The following ZNF384 variants were observed in gnomAD, a reference collection of about 807,000 sequenced individuals.
ZNF384 encodes the protein CAG repeat protein 1.
ZNF384 carries 20 observed loss-of-function variants against 65.0 expected under a neutral mutation model. That is an observed-to-expected ratio of 0.31 (90% CI 0.22 to 0.45). The LOEUF is 0.45. Ranked by LOEUF, ZNF384 falls within the 20% of genes least tolerant of loss-of-function variation. The probability of loss-of-function intolerance (pLI) is 1.00; values close to 1 mark genes in which losing one functional copy is unlikely to be tolerated. For synonymous variants in ZNF384, 310 were observed against 303.9 expected, an observed-to-expected ratio of 1.02 and a Z score of -0.21; for missense variants, 549 against 769.4, an observed-to-expected ratio of 0.71 and a Z score of 3.39.
chr12:6,679,447 C>G lies in ZNF384; in HGVS notation c.66+8G>C. The G allele has an allele frequency of 1.2e-6, 2 of 1,613,620 alleles. No individual in the cohort carries two copies. Among genetic ancestry groups the G allele is most frequent in the Non-Finnish European group, 1.7e-6 (2 of 1,179,522 alleles). ...ACTTGGAGAGAGCAAGAAAGCAACA[C>G]CACTTACCTGACCTGAGACTGTGGG... On this transcript the variant is annotated splice_region_variant and intron_variant, in intron 3 of 11. Transcript: ENST00000683879.
intron 2 of ZNF384, 42 bp downstream of exon 2, chr12:6,688,122 TCTC>T (rs1396288607): frequency 6.6e-6 from 1 of 152,570 alleles, no homozygotes; most frequent in Admixed American, 6.5e-5. Context: ...TGTGACCCCT[TCTC>T]CCCCAAAACC....
rs1431968627 is a variant in ZNF384, at chr12:6,666,655, AAAAG to A, written c.*1055_*1058del. ...GATTTAAAAAAAAAAAAAAAAGACA[AAAAG>A]AAAAATGCTGTGGCTAGAGGACAGG... On this transcript the variant is annotated 3_prime_UTR_variant, in exon 12 of 12. Transcript: ENST00000683879. The A allele has an allele frequency of 5.9e-6, 1 of 168,330 alleles. No homozygotes were observed. The highest frequency in any genetic ancestry group is 1.1e-4 in the East Asian group (1 of 8,776). 10.4% of individuals were successfully genotyped at this position (168,330 alleles called of 1,614,324 possible).
rs1218029425 is a variant in ZNF384 at position 6,666,566 on chromosome 12, ATTACT to A, written c.*1143_*1147del. Reference sequence around the variant, plus strand: ...TTTTTCTTTTTTTCTTCATTTTTAAATTACTTTATAACAACTGGTTTCCTGATTTT... The same window carrying A: ...TTTTTCTTTTTTTCTTCATTTTTAAATTATAACAACTGGTTTCCTGATTTT... On this transcript the variant is annotated 3_prime_UTR_variant, in exon 12 of 12. Transcript: ENST00000683879. The A allele has an allele frequency of 6.1e-6, 1 of 163,144 alleles. No homozygotes were observed. Among genetic ancestry groups the A allele is most frequent in the East Asian group, 1.3e-4 (1 of 7,418 alleles). The allele number at this position is 163,144 out of a possible 1,614,324, so 10.1% of individuals were successfully genotyped here.
rs114993914 is a variant in ZNF384, at chr12:6,684,381, T to C, written c.-6+3786A>G. Reference sequence around the variant, plus strand: ...TATTTTCCAGCTAGTTCTCAAAAAATGTTTTCAAAATTGAAGTTTTTGATA... The same window carrying C: ...TATTTTCCAGCTAGTTCTCAAAAAACGTTTTCAAAATTGAAGTTTTTGATA... On this transcript the variant is annotated intron_variant, in intron 2 of 11. Coordinates refer to ENST00000683879, the MANE Select transcript of ZNF384 (RefSeq NM_001385745.1). Among the ~76,000 whole-genome samples the C allele has an allele frequency of 3.6e-3, 541 of 152,336 alleles. 2 individuals are homozygous for C. The highest frequency in any genetic ancestry group is 0.013 in the African/African-American group (529 of 41,568).
At position 6,678,385 on chromosome 12, in the gene ZNF384, G is replaced by A. The variant is rs544703789; in HGVS notation, c.428C>T (p.Ser143Leu). The stretch of plus-strand genomic sequence containing the variant: ...AAGAGCTGAGACAATCATGGGAGCC[G>A]AAATGGGGAAGGTCTGAGCTGATGA... ...TASSAQTFPISAPMIVSALPP... is the reference protein window; with the variant it reads ...TASSAQTFPILAPMIVSALPP... The change falls in exon 6 of 12, where the codon TCG (serine) becomes TTG (leucine). Residue 143 changes from serine (S) to leucine (L), a missense_variant. Physicochemically the swap from Ser to Leu is moderately radical, Grantham distance 145. This residue lies in a region of ZNF384 where 277 missense variants were observed against 337.2 expected (regional missense o/e 0.82). Transcript: ENST00000683879. The surrounding 1 kb of genome is among the most constrained non-coding windows in gnomAD (Gnocchi z 4.9). 3.7e-6 allele frequency: 6 copies of A among 1,612,590 alleles called. No individual in the cohort carries two copies. Among genetic ancestry groups the A allele is most frequent in the South Asian group, 2.2e-5 (2 of 90,862 alleles).
In ZNF384 at chr12:6,667,265, G is replaced by A; in HGVS notation, c.*449C>T. The A allele has an allele frequency of 3.1e-6, 1 of 327,470 alleles. No individual in the cohort carries two copies. The highest frequency in any genetic ancestry group is 9.3e-4 in the Middle Eastern group (1 of 1,072). The allele number at this position is 327,470 out of a possible 1,614,324, so 20.3% of individuals were successfully genotyped here. A position where few individuals can be genotyped will look rare whatever the true frequency, so the allele number is the denominator to read the frequency against. On this transcript the variant is annotated 3_prime_UTR_variant, in exon 12 of 12. Coordinates refer to ENST00000683879, the MANE Select transcript of ZNF384 (RefSeq NM_001385745.1). ...TTTGAGAAACCTCTGTTCTTTTGCAGGCAAGAATAGAACAAGAGGCTGGTT... is the reference window on the plus strand; with the variant it reads ...TTTGAGAAACCTCTGTTCTTTTGCAAGCAAGAATAGAACAAGAGGCTGGTT...
chr12:6,671,199 C>T (rs780711285), intron 9 of ZNF384, among the ~76,000 whole-genome samples: 4 of 152,190 alleles, frequency 2.6e-5, no homozygotes, highest in Non-Finnish European at 5.9e-5. Flanking sequence ...AAAAGCAGAA[C>T]GCGTCTTCCT....
In ZNF384 at chr12:6,678,037, G is replaced by A. The variant is rs922589141; in HGVS notation, c.686+90C>T. ...AGCTGGGAAGCTGTCAGAGTGTAGC[G>A]CCTGACCGGGGCAGAACACAATGAG... On this transcript the variant is annotated intron_variant, in intron 6 of 11. Coordinates refer to ENST00000683879, the MANE Select transcript of ZNF384 (RefSeq NM_001385745.1). The surrounding 1 kb of genome is among the most constrained non-coding windows in gnomAD (Gnocchi z 4.9). The A allele has an allele frequency of 9.6e-5, 120 of 1,256,520 alleles. No homozygotes were observed. The highest frequency in any genetic ancestry group is 1.1e-4 in the Non-Finnish European group (101 of 893,322). 77.8% of individuals were successfully genotyped at this position (1,256,520 alleles called of 1,614,324 possible). A position where few individuals can be genotyped will look rare whatever the true frequency, so the allele number is the denominator to read the frequency against.
chr12:6,682,735 C>T (rs1016037728), intron 2 of ZNF384, among the ~76,000 whole-genome samples: 1 of 152,180 alleles, frequency 6.6e-6, no homozygotes, highest in African/African-American at 2.4e-5. Flanking sequence ...TAAGAGAATT[C>T]AATCTTGCCA....
rs1203620942 is a variant in ZNF384 at position 6,673,821 on chromosome 12, T to A, written c.780-381A>T. On this transcript the variant is annotated intron_variant, in intron 7 of 11. Coordinates refer to ENST00000683879, the MANE Select transcript of ZNF384 (RefSeq NM_001385745.1). This position sits in a 1 kb window ranked among gnomAD's most constrained non-coding sequence, Gnocchi z 4.7. ...TTCCTTGCTCTGATGTTCCTATGTA[T>A]GAAGCACATGCCTCTGTATTCCTCA... Among the ~76,000 whole-genome samples the A allele has an allele frequency of 6.6e-6, 1 of 152,232 alleles. No homozygotes were observed. The highest frequency in any genetic ancestry group is 1.5e-5 in the Non-Finnish European group (1 of 68,040).
At chr12:6,670,495 G>C (rs769505509) in intron 10 of ZNF384, among the ~76,000 whole-genome samples, 1 of 152,078 alleles carries the variant, frequency 6.6e-6, no homozygotes, top group Non-Finnish European at 1.5e-5. Context: ...TGTTTTTGGA[G>C]GGTCTTGGAA....
intron 2 of ZNF384, among the ~76,000 whole-genome samples, chr12:6,680,647 CAAAAAAA>C (rs566727946): frequency 9.7e-6 from 1 of 103,326 alleles, no homozygotes; most frequent in African/African-American, 3.6e-5. Flanking sequence ...AATTCCGTCT[CAAAAAAA>C]AAAAAAAAAT....
In ZNF384 at chr12:6,666,572, T is replaced by C. The variant is rs1219885452; in HGVS notation, c.*1142A>G. 6.1e-6 allele frequency: 1 copy of C among 164,778 alleles called. No homozygotes were observed. Among genetic ancestry groups the C allele is most frequent in the African/African-American group, 2.4e-5 (1 of 41,668 alleles). 10.2% of individuals were successfully genotyped at this position (164,778 alleles called of 1,614,324 possible). ...TTTTTTTCTTCATTTTTAAATTACT[T>C]TATAACAACTGGTTTCCTGATTTTT... On this transcript the variant is annotated 3_prime_UTR_variant, in exon 12 of 12. Transcript: ENST00000683879.
At chr12:6,677,979 T>C in intron 6 of ZNF384, 148 bp downstream of exon 6, 1 of 724,888 alleles carries the variant, frequency 1.4e-6, no homozygotes, top group Non-Finnish European at 2.3e-6. Context: ...CCTCCTATCC[T>C]ATGATGGGAC....
At position 6,672,597 on chromosome 12, in the gene ZNF384, C is replaced by G. The variant is rs531120905; in HGVS notation, c.1005-65G>C. The G allele has an allele frequency of 8.9e-4, 1,355 of 1,515,618 alleles. 2 individuals carry two copies. The highest frequency in any genetic ancestry group is 1.2e-3 in the Non-Finnish European group (1,279 of 1,107,084). The allele number at this position is 1,515,618 out of a possible 1,614,324, so 93.9% of individuals were successfully genotyped here. On this transcript the variant is annotated intron_variant, in intron 8 of 11. Transcript: ENST00000683879. The surrounding 1 kb of genome is among the most constrained non-coding windows in gnomAD (Gnocchi z 4.4). ...AGTTCGACACCAGGGGCTCAGCTCT[C>G]TGCTGGGTGAAATGACGTTGCTTGA...
intron 2 of ZNF384, among the ~76,000 whole-genome samples, chr12:6,685,809 G>A (rs912478994): frequency 3.3e-5 from 5 of 149,986 alleles, no homozygotes; most frequent in Non-Finnish European, 5.9e-5. Context: ...AAAGAAGGCA[G>A]GTTTACTCTA....
intron 10 of ZNF384, among the ~76,000 whole-genome samples, chr12:6,669,745 G>A (rs958581254): frequency 6.6e-5 from 10 of 151,966 alleles, no homozygotes; most frequent in Non-Finnish European, 1.0e-4. Flanking sequence ...CAGGTGATCC[G>A]CCCGCCTCCG....
At position 6,669,000 on chromosome 12, in the gene ZNF384, T is replaced by C. The variant is rs199917748; in HGVS notation, c.1425+31A>G. 1.6e-5 allele frequency: 26 copies of C among 1,578,320 alleles called. No homozygotes were observed. The East Asian group carries it at 3.2e-4, about 19-fold the overall frequency. ...AGTGGACTGTACTCTTAGAGGACTATGAGGAAGGAGAGAAGAAACGGAGCA... is the reference window on the plus strand; with the variant it reads ...AGTGGACTGTACTCTTAGAGGACTACGAGGAAGGAGAGAAGAAACGGAGCA... On this transcript the variant is annotated intron_variant, in intron 11 of 11. Transcript: ENST00000683879.
intron 7 of ZNF384, among the ~76,000 whole-genome samples, chr12:6,675,961 A>G (rs1953376189): frequency 1.3e-5 from 2 of 152,204 alleles, no homozygotes; most frequent in South Asian, 4.1e-4. Context: ...TGAAGAGGGT[A>G]TGGCTGACCC....
Sources: gnomAD v4.1 joint callset for allele counts (sites outside exome capture counted in the v4.1 genomes callset) on GRCh38, gnomAD v4.1.1 for gene constraint, gnomAD v4.1.1 regional missense constraint, Gnocchi (gnomAD v3.1) non-coding constraint, MANE v1.5 for transcripts, NCBI Gene and HGNC (gene_info 2026-07-23, HGNC 2026-07-21) for gene names.